Variants in RNF123 observed in about 807,000 individuals in gnomAD.
RNF123 encodes ring finger protein 123.
A neutral mutation model predicts 168.5 loss-of-function variants in RNF123; 86 were observed. The ratio of observed to expected loss-of-function variants is 0.51; its 90% CI spans 0.43 to 0.61. RNF123 has a LOEUF of 0.61. Ranked by LOEUF, RNF123 falls within the 20% of genes least tolerant of loss-of-function variation. The probability of loss-of-function intolerance (pLI) is 0.00; values close to 1 mark genes in which losing one functional copy is unlikely to be tolerated. For synonymous variants in RNF123, 666 were observed against 689.1 expected, an observed-to-expected ratio of 0.97 and a Z score of 0.52; for missense variants, 1,419 against 1,729.7, an observed-to-expected ratio of 0.82 and a Z score of 3.19.
At position 49,699,971 on chromosome 3, in the gene RNF123, G is replaced by A; in HGVS notation, c.984+199G>A. On this transcript the variant is annotated intron_variant, in intron 12 of 38. Transcript: ENST00000327697. This position sits in a 1 kb window ranked among gnomAD's most constrained non-coding sequence, Gnocchi z 4.8. ...ACATTGCCAACCAAGGGCATCAGGG[G>A]ATGTCCTGGAAAGAAGACTGAAGGA... The A allele has an allele frequency of 1.5e-6, 1 of 684,466 alleles. No homozygotes were observed. 42.4% of individuals were successfully genotyped at this position (684,466 alleles called of 1,614,324 possible). A position where few individuals can be genotyped will look rare whatever the true frequency, so the allele number is the denominator to read the frequency against.
chr3:49,689,885 TC>T, intron 1 of RNF123: 1 of 149,944 alleles, frequency 6.7e-6, no homozygotes. Flanking sequence ...TGACAGGGAG[TC>T]CCCGGGCGGG....
rs184426850 is a variant in RNF123 at position 49,704,833 on chromosome 3, C to A, written c.1959+77C>A. ...TTATGGGCAGGGGTCTCATCCAGGG[C>A]CACTTCCCGCTCCATGCAGGCAAAG... On this transcript the variant is annotated intron_variant, in intron 22 of 38. Transcript: ENST00000327697. 131 of 1,424,164 alleles carry A rather than the reference C, an allele frequency of 9.2e-5. No homozygotes were observed. In the Admixed American group the frequency reaches 9.4e-4, roughly 10 times the overall value. The allele number at this position is 1,424,164 out of a possible 1,614,324, so 88.2% of individuals were successfully genotyped here.
intron 37 of RNF123, 60 bp from the exon 38 acceptor site, chr3:49,720,960 A>G (rs572224514): frequency 1.2e-6 from 2 of 1,607,694 alleles, no homozygotes; most frequent in African/African-American, 2.7e-5. Flanking sequence ...CACAGGCACA[A>G]CGGACATCCA....
chr3:49,709,058 T>G (rs980680562), intron 26 of RNF123, among the ~76,000 whole-genome samples: 1 of 149,564 alleles, frequency 6.7e-6, no homozygotes, highest in Admixed American at 6.7e-5. Flanking sequence ...TGGGTTCAAG[T>G]GTTCTCCTGC....
At chr3:49,700,997 C>G (rs2054371605) in intron 15 of RNF123, among the ~76,000 whole-genome samples, 1 of 152,266 alleles carries the variant, frequency 6.6e-6, no homozygotes, top group Non-Finnish European at 1.5e-5. Flanking sequence ...CACTTTTGTT[C>G]ATGTTCCACA....
intron 35 of RNF123, chr3:49,719,841 C>T (rs1302915282): frequency 1.4e-5 from 3 of 221,648 alleles, no homozygotes; most frequent in Non-Finnish European, 2.8e-5. Context: ...CCAAAGTCCC[C>T]GTCAGCCTTT....
intron 3 of RNF123, among the ~76,000 whole-genome samples, chr3:49,696,753 TCTC>T (rs1326595753): frequency 1.3e-5 from 2 of 151,864 alleles, no homozygotes; most frequent in African/African-American, 4.8e-5. Context: ...TTCAAGCTAT[TCTC>T]CTGCCTCTGT....
intron 8 of RNF123, 73 bp downstream of exon 8, chr3:49,698,599 C>T: frequency 6.4e-7 from 1 of 1,567,342 alleles, no homozygotes; most frequent in Non-Finnish European, 8.8e-7. Context: ...ACTGGGCAGC[C>T]ATAAGGGACT....
At chr3:49,712,891 C>T (rs1377181770) in intron 27 of RNF123, 21 of 704,592 alleles carry the variant, frequency 3.0e-5, no homozygotes, top group East Asian at 5.4e-5. Context: ...AGATGGAACA[C>T]GGTGGGTGTA....
At chr3:49,690,880 G>T (rs532275631) in intron 1 of RNF123, among the ~76,000 whole-genome samples, 2 of 152,338 alleles carry the variant, frequency 1.3e-5, no homozygotes, top group South Asian at 4.1e-4. Context: ...TCTAGTACCT[G>T]CTCTCTGCCC....
intron 35 of RNF123, chr3:49,718,629 A>C (rs1219692493): frequency 1.2e-6 from 2 of 1,613,024 alleles, no homozygotes; most frequent in Admixed American, 1.7e-5. Context: ...GCTCTAGGCC[A>C]AGAGCTGGGG....
At position 49,701,930 on chromosome 3, in the gene RNF123, G is replaced by A. The variant is rs1381308364; in HGVS notation, c.1495+20G>A. The stretch of plus-strand genomic sequence containing the variant: ...TCGAAGGTCAGCCCGCCTTGGGCAC[G>A]GGGTAGGGTGGGAGGTGTGTGTGTG... On this transcript the variant is annotated intron_variant, in intron 17 of 38. Coordinates refer to ENST00000327697, the MANE Select transcript of RNF123 (RefSeq NM_022064.5). 4 of 1,556,964 alleles carry A rather than the reference G, an allele frequency of 2.6e-6. No homozygotes were observed. The highest frequency in any genetic ancestry group is 3.9e-5 in the Admixed American group (2 of 51,150).
chr3:49,697,761 T>C, intron 5 of RNF123, 124 bp from the exon 6 acceptor site: 1 of 1,166,596 alleles, frequency 8.6e-7, no homozygotes, highest in Non-Finnish European at 1.3e-6. Context: ...TCAGGCACAG[T>C]GCAGTGTTGG....
At position 49,704,747 on chromosome 3, in the gene RNF123, T is replaced by A. The variant is rs1473740246; in HGVS notation, c.1950T>A (p.Ala650=). The change falls in exon 22 of 39, where the codon GCT becomes GCA. Residue 650 remains alanine (A), a synonymous_variant. Transcript: ENST00000327697. The part of the protein sequence containing the change: ...DLDEDEEPAP[A]MAQRPMQALA... ...ATGAGGATGAGGAGCCAGCCCCAGC[T>A]ATGGCCCAGGTGCCGCAGTGGGGGC... The A allele has an allele frequency of 3.8e-6, 6 of 1,580,290 alleles. No individual in the cohort carries two copies. The highest frequency in any genetic ancestry group is 5.2e-6 in the Non-Finnish European group (6 of 1,162,854).
intron 19 of RNF123, 102 bp downstream of exon 19, chr3:49,702,507 C>A: frequency 6.2e-7 from 1 of 1,601,552 alleles, no homozygotes; most frequent in Non-Finnish European, 8.6e-7. Context: ...CCCTGCCTAG[C>A]CCCAAGCTTT....
At chr3:49,696,190 T>G (rs992916790) in intron 3 of RNF123, among the ~76,000 whole-genome samples, 2 of 152,182 alleles carry the variant, frequency 1.3e-5, no homozygotes, top group African/African-American at 4.8e-5. Flanking sequence ...TCTCCCAGCC[T>G]TCTTCTTCCA....
chr3:49,716,366 T>C, intron 34 of RNF123, 27 bp from the exon 35 acceptor site: 9 of 1,608,304 alleles, frequency 5.6e-6, no homozygotes, highest in Non-Finnish European at 7.7e-6. Context: ...TGTGGGTGGC[T>C]CATCTCTTTC....
intron 3 of RNF123, among the ~76,000 whole-genome samples, chr3:49,695,150 G>C (rs1352410614): frequency 6.6e-6 from 1 of 152,156 alleles, no homozygotes; most frequent in East Asian, 1.9e-4. Flanking sequence ...TTTGAGACAG[G>C]GTCTCGCTAT....
chr3:49,694,167 A>T (rs1023389058), intron 3 of RNF123, among the ~76,000 whole-genome samples: 1 of 152,214 alleles, frequency 6.6e-6, no homozygotes, highest in Admixed American at 6.5e-5. Flanking sequence ...CTTTAAAAAA[A>T]TTTATCACCT....
Sources: gnomAD v4.1 joint callset for allele counts (sites outside exome capture counted in the v4.1 genomes callset) on GRCh38, gnomAD v4.1.1 for gene constraint, Gnocchi (gnomAD v3.1) non-coding constraint, MANE v1.5 for transcripts, NCBI Gene and HGNC (gene_info 2026-07-23, HGNC 2026-07-21) for gene names.